The following LIN9 variants were observed in gnomAD, a reference collection of about 807,000 sequenced individuals.
LIN9 encodes the protein protein lin-9 homolog.
A neutral mutation model predicts 78.0 loss-of-function variants in LIN9; 18 were observed. That is an observed-to-expected ratio of 0.23 (90% CI 0.16 to 0.34). The LOEUF (loss-of-function observed/expected upper bound fraction) is 0.34, where lower values mean the gene tolerates loss of function less well. LIN9 is among the 10% of genes least tolerant of loss of function. The pLI is 1.00. For synonymous variants in LIN9, 192 were observed against 215.2 expected (o/e 0.89, Z 0.94); for missense variants, 451 against 644.1 (o/e 0.70, Z 3.25).
intron 11 of LIN9, among the ~76,000 whole-genome samples, chr1:226,241,772 G>A (rs1658129966): frequency 6.6e-6 from 1 of 152,016 alleles, no homozygotes. Context: ...GCAGGAGAAT[G>A]GCATGAACCC....
At chr1:226,263,288 G>A (rs1432358773) in intron 10 of LIN9, among the ~76,000 whole-genome samples, 1 of 152,148 alleles carries the variant, frequency 6.6e-6, no homozygotes, top group African/African-American at 2.4e-5. Context: ...GTCTTTAGGT[G>A]AAATGATGTG....
intron 3 of LIN9, among the ~76,000 whole-genome samples, 188 bp downstream of exon 3, chr1:226,297,531 A>C (rs887254205): frequency 6.6e-6 from 1 of 152,242 alleles, no homozygotes; most frequent in Non-Finnish European, 1.5e-5. Context: ...ACAAATGCTT[A>C]CTGATGACCA....
At chr1:226,253,519 TCCTGA>T (rs1658984818) in intron 10 of LIN9, among the ~76,000 whole-genome samples, 1 of 151,102 alleles carries the variant, frequency 6.6e-6, no homozygotes, top group Non-Finnish European at 1.5e-5. Flanking sequence ...GTCTTGAACT[TCCTGA>T]CCTCAGGTGA....
At chr1:226,277,662 G>A in intron 7 of LIN9, 113 bp downstream of exon 7, 1 of 955,412 alleles carries the variant, frequency 1.0e-6, no homozygotes, top group Non-Finnish European at 1.5e-6. Context: ...GATGTCTATT[G>A]TAAATATTTC....
chr1:226,255,540 G>A (rs1174993184), intron 10 of LIN9, among the ~76,000 whole-genome samples: 6 of 151,972 alleles, frequency 3.9e-5, no homozygotes, highest in African/African-American at 1.5e-4. Flanking sequence ...TACAAGGTAC[G>A]CCAGGAGGCA....
rs1031382976 is a variant in LIN9 at position 226,260,284 on chromosome 1, T to C, written c.1038+5249A>G. Among the ~76,000 whole-genome samples, 3 of 152,204 alleles carry C rather than the reference T, an allele frequency of 2.0e-5. 1 individual carries two copies. Among genetic ancestry groups the C allele is most frequent in the Admixed American group, 1.3e-4 (2 of 15,268 alleles). On this transcript the variant is annotated intron_variant, in intron 10 of 14. Transcript: ENST00000681046. Reference sequence around the variant, plus strand: ...AGGAAGAAATTATACCCAACCTCTGTTATGTTTTAGAGGATAGAAGCAGAG... The same window carrying C: ...AGGAAGAAATTATACCCAACCTCTGCTATGTTTTAGAGGATAGAAGCAGAG...
At chr1:226,291,278 A>C (rs1458291945) in intron 4 of LIN9, among the ~76,000 whole-genome samples, 1 of 152,192 alleles carries the variant, frequency 6.6e-6, no homozygotes, top group African/African-American at 2.4e-5. Flanking sequence ...ATAATGATAT[A>C]AAATTGAATA....
At chr1:226,273,262 T>TC (rs1660424848) in intron 7 of LIN9, among the ~76,000 whole-genome samples, 1 of 146,296 alleles carries the variant, frequency 6.8e-6, no homozygotes, top group Non-Finnish European at 1.5e-5. Context: ...GGTAATTTTT[T>TC]TTTTTTTTTT....
intron 11 of LIN9, among the ~76,000 whole-genome samples, chr1:226,239,328 CT>C (rs1398875582): frequency 6.6e-6 from 1 of 152,124 alleles, no homozygotes; most frequent in Non-Finnish European, 1.5e-5. Flanking sequence ...AGGAGATCTT[CT>C]ATAGAGATAA....
intron 6 of LIN9, among the ~76,000 whole-genome samples, chr1:226,285,164 A>C (rs1183259098): frequency 6.6e-6 from 1 of 152,184 alleles, no homozygotes; most frequent in South Asian, 2.1e-4. Context: ...ACTATGACAA[A>C]ACAGTAAATA....
intron 3 of LIN9, among the ~76,000 whole-genome samples, chr1:226,296,476 A>G (rs115152370): frequency 1.3e-3 from 201 of 152,346 alleles, no homozygotes; most frequent in African/African-American, 4.5e-3. Context: ...ATAATTACCC[A>G]TAGAACTAAA....
rs185844477 is a variant in LIN9 at position 226,272,180 on chromosome 1, C to T, written c.683-4090G>A. Among the ~76,000 whole-genome samples the T allele has an allele frequency of 4.4e-3, 665 of 152,052 alleles. 5 individuals are homozygous for T. Among genetic ancestry groups the T allele is most frequent in the African/African-American group, 0.015 (633 of 41,470 alleles). On this transcript the variant is annotated intron_variant, in intron 7 of 14. Coordinates refer to ENST00000681046, the MANE Select transcript of LIN9 (RefSeq NM_001366245.2). ...CAAGTGATTCTCCTGCCTCAGCCTC[C>T]TGAGTAGCTGGGATTACAGGCACGT...
intron 10 of LIN9, among the ~76,000 whole-genome samples, chr1:226,257,190 T>G (rs1019250116): frequency 6.6e-6 from 1 of 151,552 alleles, no homozygotes; most frequent in Admixed American, 6.6e-5. Flanking sequence ...CCTCAAGTGA[T>G]CTACCCACCT....
chr1:226,239,123 G>A lies in LIN9; in HGVS notation c.1120-27C>T, dbSNP rs1012016465. On this transcript the variant is annotated intron_variant, in intron 11 of 14. Transcript: ENST00000681046. ...TGAGAAGAGAAAAAAATCAGATCTT[G>A]GTAAGAGTTTGTTTTTTAGCAATGC... The A allele has an allele frequency of 3.1e-6, 5 of 1,605,670 alleles. No individual in the cohort carries two copies. In the African/African-American group the frequency reaches 5.4e-5, roughly 17 times the overall value.
intron 12 of LIN9, among the ~76,000 whole-genome samples, chr1:226,234,539 G>C (rs1325025341): frequency 6.6e-6 from 1 of 152,106 alleles, no homozygotes; most frequent in Non-Finnish European, 1.5e-5. Context: ...CCCGTAATTT[G>C]GGGGCACATT....
chr1:226,272,624 G>A (rs1660368484), intron 7 of LIN9, among the ~76,000 whole-genome samples: 1 of 150,988 alleles, frequency 6.6e-6, no homozygotes, highest in African/African-American at 2.4e-5. Flanking sequence ...AAAAGCTGAG[G>A]CAGGGCTTGC....
At chr1:226,260,628 G>GTTTTTTTTTTTTTTTTT (rs559460640) in intron 10 of LIN9, among the ~76,000 whole-genome samples, 2 of 73,438 alleles carry the variant, frequency 2.7e-5, no homozygotes, top group Non-Finnish European at 5.1e-5. Context: ...GGCCAAATGA[G>GTTTTTTTTTTTTTTTTT]TTTTTTTTTT....
chr1:226,236,390 G>A (rs1428884020), intron 12 of LIN9, among the ~76,000 whole-genome samples: 1 of 151,708 alleles, frequency 6.6e-6, no homozygotes, highest in Non-Finnish European at 1.5e-5. Flanking sequence ...TCAGAGGTTA[G>A]CTTTTGAGCT....
Position 226,297,808 on chromosome 1 carries a change from T to C in LIN9, c.70A>G (p.Ser24Gly), listed in dbSNP as rs763504331. Residue 24 changes from serine (S) to glycine (G), a missense_variant, in exon 3 of 15, where the codon AGC (serine) becomes GGC (glycine). By Grantham distance (56) the Ser-to-Gly change is moderately conservative. Coordinates refer to ENST00000681046, the MANE Select transcript of LIN9 (RefSeq NM_001366245.2). The part of the protein sequence containing the change: ...AKALVSLKEG[S>G]LSNTWNEKYS... ...TTTTCATTCCACGTGTTAGATAAGC[T>C]TCCTTCTGTAATAAATAGTTAATAC... 1.3e-6 allele frequency: 2 copies of C among 1,568,726 alleles called. No individual in the cohort carries two copies. The highest frequency in any genetic ancestry group is 3.8e-5 in the Admixed American group (2 of 52,108).
Sources: allele counts gnomAD v4.1 joint callset (sites outside exome capture counted in the v4.1 genomes callset), GRCh38; gene constraint gnomAD v4.1.1; transcripts MANE v1.5; gene names NCBI Gene and HGNC (gene_info 2026-07-23, HGNC 2026-07-21).